BST1: variants seen among roughly 807,000 people sequenced by gnomAD.
BST1 encodes ADP-ribosyl cyclase/cyclic ADP-ribose hydrolase 2.
In BST1, 49 loss-of-function variants were observed where a neutral mutation model predicts 40.6. The ratio of observed to expected loss-of-function variants is 1.21; its 90% CI spans 0.96 to 1.53. The LOEUF (loss-of-function observed/expected upper bound fraction) is 1.53, where lower values mean the gene tolerates loss of function less well. BST1 is among the 40% of genes most tolerant of loss of function. BST1 has a pLI of 0.00. For synonymous variants in BST1, 157 were observed against 159.3 expected, an observed-to-expected ratio of 0.99 and a Z score of 0.11; for missense variants, 423 against 395.9, an observed-to-expected ratio of 1.07 and a Z score of -0.58.
the BST1 span, among the ~76,000 whole-genome samples, chr4:15,758,283 G>A: frequency 6.6e-5 from 10 of 152,142 alleles, no homozygotes; most frequent in African/African-American, 1.7e-4. Context: ...TTTTTCAGCC[G>A]TCCCTCCCCT....
At chr4:15,740,506 C>T (rs3893377), downstream of BST1, among the ~76,000 whole-genome samples, 29,913 of 151,976 alleles carry the variant, frequency 0.2, 3,107 homozygotes, top group East Asian at 0.38. Flanking sequence ...CCTGAAAAAA[C>T]GAGAGCTATT....
At chr4:15,715,458 C>A (rs1407317544) in intron 5 of BST1, 97 bp downstream of exon 5, 4 of 1,252,962 alleles carry the variant, frequency 3.2e-6, no homozygotes, top group Non-Finnish European at 4.5e-6. Context: ...TAGTCCCCAT[C>A]TCATGCGTGC....
chr4:15,727,913 G>A (rs1214741742), intron 8 of BST1, among the ~76,000 whole-genome samples: 1 of 151,668 alleles, frequency 6.6e-6, no homozygotes, highest in Non-Finnish European at 1.5e-5. Flanking sequence ...ACTGGAGGGA[G>A]TAGAATATAG....
downstream of BST1, among the ~76,000 whole-genome samples, chr4:15,735,800 T>TCA (rs1396080514): frequency 6.6e-6 from 1 of 152,180 alleles, no homozygotes. Context: ...ACTTAGCCAC[T>TCA]CACAGCACAG....
chr4:15,739,645 T>C (rs1361047660), downstream of BST1, among the ~76,000 whole-genome samples: 1 of 151,826 alleles, frequency 6.6e-6, no homozygotes, highest in Admixed American at 6.6e-5. Flanking sequence ...TTGTGCCAGC[T>C]GCACCTTCAT....
chr4:15,759,265 A>G, the BST1 span, among the ~76,000 whole-genome samples: 1 of 151,994 alleles, frequency 6.6e-6, no homozygotes, highest in African/African-American at 2.4e-5. Flanking sequence ...GGGCGAAAGA[A>G]GATGGATGTG....
At chr4:15,708,633 C>A (rs377248148) in intron 3 of BST1, among the ~76,000 whole-genome samples, 1 of 152,128 alleles carries the variant, frequency 6.6e-6, no homozygotes. Flanking sequence ...AATCCTAGCA[C>A]TTTGGGAGGC....
chr4:15,726,249 C>T (rs1179349822), intron 8 of BST1, among the ~76,000 whole-genome samples: 1 of 149,940 alleles, frequency 6.7e-6, no homozygotes, highest in Non-Finnish European at 1.5e-5. Flanking sequence ...AGGTCAGGGA[C>T]TTTGACCTGT....
Position 15,714,270 on chromosome 4 carries a change from G to A in BST1, c.535-1015G>A, listed in dbSNP as rs565245163. On this transcript the variant is annotated intron_variant, in intron 4 of 8. Coordinates refer to ENST00000265016, the MANE Select transcript of BST1 (RefSeq NM_004334.3). The stretch of plus-strand genomic sequence containing the variant: ...AGGGAGTGAATCCAGCCACCTATAC[G>A]TCAGTGCCACATATTTCACCTCTAC... Among the ~76,000 whole-genome samples, 3 of 152,026 alleles carry A rather than the reference G, an allele frequency of 2.0e-5. No homozygotes were observed. In the South Asian group the frequency reaches 6.2e-4, roughly 32 times the overall value.
intron 8 of BST1, among the ~76,000 whole-genome samples, chr4:15,724,424 T>C (rs1325643905): frequency 6.6e-6 from 1 of 152,224 alleles, no homozygotes; most frequent in Non-Finnish European, 1.5e-5. Flanking sequence ...TGGTGGCTCA[T>C]GCCTGTAATC....
In BST1 at chr4:15,731,996, T is replaced by C. The variant is rs1299405428; in HGVS notation, c.*151T>C. ...CTGAAAATGGTATTTCAATGAGGCA[T>C]ATGTTCAGGATTTCAGAAACAAGAA... On this transcript the variant is annotated 3_prime_UTR_variant, in exon 9 of 9. Coordinates refer to ENST00000265016, the MANE Select transcript of BST1 (RefSeq NM_004334.3). 20 of 1,375,090 alleles carry C rather than the reference T, an allele frequency of 1.5e-5. No individual in the cohort carries two copies. Among genetic ancestry groups the C allele is most frequent in the Non-Finnish European group, 1.7e-5 (18 of 1,061,378 alleles). 85.2% of individuals were successfully genotyped at this position (1,375,090 alleles called of 1,614,324 possible).
the BST1 span, among the ~76,000 whole-genome samples, chr4:15,763,756 T>G: frequency 6.6e-6 from 1 of 152,010 alleles, no homozygotes; most frequent in African/African-American, 2.4e-5. Context: ...AATGAGCTAT[T>G]AAGCCATGAA....
the BST1 span, among the ~76,000 whole-genome samples, chr4:15,766,324 G>A: frequency 1.3e-5 from 2 of 151,936 alleles, no homozygotes; most frequent in African/African-American, 2.4e-5. Flanking sequence ...ACAACTGGAT[G>A]AGGGAGGTGG....
At chr4:15,725,795 A>G (rs1024311147) in intron 8 of BST1, among the ~76,000 whole-genome samples, 9 of 152,076 alleles carry the variant, frequency 5.9e-5, no homozygotes, top group Non-Finnish European at 1.2e-4. Flanking sequence ...TTATCTACAA[A>G]GCCTCCATGA....
chr4:15,727,259 G>A (rs1314732058), intron 8 of BST1, among the ~76,000 whole-genome samples: 1 of 152,188 alleles, frequency 6.6e-6, no homozygotes, highest in Non-Finnish European at 1.5e-5. Flanking sequence ...TCACACCACA[G>A]CAGGTAAGTA....
At chr4:15,739,541 T>A (rs866883099), downstream of BST1, among the ~76,000 whole-genome samples, 37 of 146,108 alleles carry the variant, frequency 2.5e-4, no homozygotes, top group African/African-American at 9.1e-4. Context: ...AAATGCATGT[T>A]AAGAAGCCAA....
chr4:15,723,848 C>T (rs570991641), intron 8 of BST1, among the ~76,000 whole-genome samples: 29 of 152,284 alleles, frequency 1.9e-4, no homozygotes, highest in African/African-American at 6.7e-4. Context: ...CACTCCTCCA[C>T]GCTATGTATT....
downstream of BST1, among the ~76,000 whole-genome samples, chr4:15,739,232 GCTAATTTCACCATAATTA>G (rs1179676822): frequency 5.3e-5 from 8 of 152,260 alleles, no homozygotes; most frequent in African/African-American, 1.7e-4. Flanking sequence ...TCTGAACTAT[GCTAATTTCACCATAATTA>G]CTCATTACTT....
intron 1 of BST1, among the ~76,000 whole-genome samples, chr4:15,705,206 A>G (rs939848713): frequency 1.3e-4 from 20 of 151,808 alleles, no homozygotes; most frequent in Non-Finnish European, 2.5e-4. Flanking sequence ...ATGAAGAGGC[A>G]CCTGCTGTAT....
Sources: allele counts gnomAD v4.1 joint callset (sites outside exome capture counted in the v4.1 genomes callset), GRCh38; gene constraint gnomAD v4.1.1; transcripts MANE v1.5; gene names NCBI Gene and HGNC (gene_info 2026-07-23, HGNC 2026-07-21).